Variants in EPS8 observed in about 807,000 individuals in gnomAD.
EPS8 encodes the protein epidermal growth factor receptor kinase substrate 8.
EPS8 carries 42 observed loss-of-function variants against 103.8 expected under a neutral mutation model. The observed-to-expected ratio is 0.40, with a 90% confidence interval of 0.32 to 0.52. The LOEUF is 0.52. EPS8 is among the 20% of genes least tolerant of loss of function. The probability of loss-of-function intolerance (pLI) is 0.40; values close to 1 mark genes in which losing one functional copy is unlikely to be tolerated. For missense variants in EPS8, 969 were observed against 1,005.1 expected, an observed-to-expected ratio of 0.96 and a Z score of 0.49; for synonymous variants, 344 against 344.6, an observed-to-expected ratio of 1.00 and a Z score of 0.02.
intron 3 of EPS8, among the ~76,000 whole-genome samples, chr12:15,680,654 A>ATCT (rs139331275): frequency 0.063 from 9,591 of 152,076 alleles, 994 homozygotes; most frequent in African/African-American, 0.21. Context: ...CATCCTAAAC[A>ATCT]TATGTGGCAA....
At chr12:15,724,530 T>C (rs1313071203) in intron 1 of EPS8, among the ~76,000 whole-genome samples, 1 of 152,208 alleles carries the variant, frequency 6.6e-6, no homozygotes, top group African/African-American at 2.4e-5. Flanking sequence ...TCTGTAAGTA[T>C]GGATATCACT....
At chr12:15,729,310 G>A (rs1272005827) in intron 1 of EPS8, among the ~76,000 whole-genome samples, 1 of 151,968 alleles carries the variant, frequency 6.6e-6, no homozygotes, top group Non-Finnish European at 1.5e-5. Context: ...CATTAATTTT[G>A]GAAAATTCTC....
intron 1 of EPS8, among the ~76,000 whole-genome samples, chr12:15,691,605 G>A (rs1489186306): frequency 6.6e-6 from 1 of 152,150 alleles, no homozygotes; most frequent in Admixed American, 6.6e-5. Context: ...AAAGAGAAGA[G>A]CAAAGGCAGG....
At chr12:15,737,220 G>A (rs1462467706) in intron 1 of EPS8, among the ~76,000 whole-genome samples, 1 of 152,022 alleles carries the variant, frequency 6.6e-6, no homozygotes, top group East Asian at 1.9e-4. Flanking sequence ...CCGTAATAGA[G>A]GTTAAACAAA....
rs553002538 is a variant in EPS8 at position 15,752,473 on chromosome 12, A to T, written c.-22+36688T>A. ...AAAAAAAAACAAAAACAAAAAAAAT[A>T]AAAATAAATTCCCCTAAAGAGCTGG... On this transcript the variant is annotated intron_variant, in intron 1 of 20. Transcript: ENST00000281172. This position sits in a 1 kb window ranked among gnomAD's most constrained non-coding sequence, Gnocchi z 4.4. Among the ~76,000 whole-genome samples the T allele has an allele frequency of 1.1e-3, 173 of 152,090 alleles. No homozygotes were observed. The highest frequency in any genetic ancestry group is 4.0e-3 in the African/African-American group (164 of 41,480).
intron 17 of EPS8, 143 bp downstream of exon 17, chr12:15,640,560 A>C (rs954712804): frequency 1.7e-6 from 1 of 599,502 alleles, no homozygotes; most frequent in East Asian, 3.0e-5. Flanking sequence ...CACCATTGCC[A>C]CTCCCCCACC....
At chr12:15,669,885 G>T in intron 4 of EPS8, 60 bp from the exon 5 acceptor site, 1 of 1,294,428 alleles carries the variant, frequency 7.7e-7, no homozygotes, top group Non-Finnish European at 1.0e-6. Context: ...CAACCTCTTA[G>T]TATACATTTT....
At chr12:15,640,670 A>G in intron 17 of EPS8, 33 bp downstream of exon 17, 2 of 1,590,204 alleles carry the variant, frequency 1.3e-6, no homozygotes, top group South Asian at 2.2e-5. Flanking sequence ...GTAAATGTGT[A>G]CATACTACAT....
chr12:15,676,247 A>G, intron 3 of EPS8, among the ~76,000 whole-genome samples: 1 of 146,094 alleles, frequency 6.8e-6, no homozygotes, highest in Admixed American at 6.9e-5. Context: ...GCGACAGGGC[A>G]AGACTCCATC....
At chr12:15,715,394 C>CTTTTTTTTTTTTT (rs3086457) in intron 1 of EPS8, among the ~76,000 whole-genome samples, 9 of 127,180 alleles carry the variant, frequency 7.1e-5, no homozygotes, top group Non-Finnish European at 1.3e-4. Context: ...CTTTACTTTT[C>CTTTTTTTTTTTTT]TTTTTTTTTT....
intron 1 of EPS8, among the ~76,000 whole-genome samples, chr12:15,722,654 C>T (rs1462276309): frequency 1.3e-5 from 2 of 152,178 alleles, no homozygotes; most frequent in Non-Finnish European, 2.9e-5. Context: ...TGCTGCCATT[C>T]ACAGCAAAGG....
rs1946544136 is a variant in EPS8 at position 15,717,402 on chromosome 12, C to G, written c.-21-34430G>C. ...AGGAGTTCAAGACCAGCCTGGGCAACATGGTGAAACCCCATCTCTACTAAA... is the reference window on the plus strand; with the variant it reads ...AGGAGTTCAAGACCAGCCTGGGCAAGATGGTGAAACCCCATCTCTACTAAA... On this transcript the variant is annotated intron_variant, in intron 1 of 20. Coordinates refer to ENST00000281172, the MANE Select transcript of EPS8 (RefSeq NM_004447.6). The surrounding 1 kb of genome is among the most constrained non-coding windows in gnomAD (Gnocchi z 4.3). Among the ~76,000 whole-genome samples the G allele has an allele frequency of 6.6e-6, 1 of 152,144 alleles. No homozygotes were observed. The highest frequency in any genetic ancestry group is 1.5e-5 in the Non-Finnish European group (1 of 68,024).
In EPS8 at chr12:15,695,729, C is replaced by T. The variant is rs574976687; in HGVS notation, c.-21-12757G>A. Among the ~76,000 whole-genome samples the T allele has an allele frequency of 2.6e-5, 4 of 152,162 alleles. No homozygotes were observed. Among genetic ancestry groups the T allele is most frequent in the Admixed American group, 1.3e-4 (2 of 15,276 alleles). ...GTGGCCCACACCTATAATCCCAGCA[C>T]TTTGGGAGGCCGAGGTGGGTGGATC... On this transcript the variant is annotated intron_variant, in intron 1 of 20. Coordinates refer to ENST00000281172, the MANE Select transcript of EPS8 (RefSeq NM_004447.6). This position sits in a 1 kb window ranked among gnomAD's most constrained non-coding sequence, Gnocchi z 5.0.
intron 13 of EPS8, among the ~76,000 whole-genome samples, chr12:15,653,805 G>A (rs974479565): frequency 5.9e-5 from 9 of 152,196 alleles, no homozygotes; most frequent in Admixed American, 1.3e-4. Flanking sequence ...GTGCGCGCGC[G>A]CGCGCATGTG....
At chr12:15,654,836 C>T (rs1233320870) in intron 12 of EPS8, among the ~76,000 whole-genome samples, 1 of 152,060 alleles carries the variant, frequency 6.6e-6, no homozygotes, top group Non-Finnish European at 1.5e-5. Flanking sequence ...TGGTACTTTT[C>T]CCCAGAATTA....
chr12:15,640,829 C>T lies in EPS8; in HGVS notation c.1695G>A (p.Lys565=), dbSNP rs1239295897. ...TTGCATTTCGAACTTTCCACCATTG[C>T]TTCCGATCATCAAGTATCTGTCATG... ...DDILEILDDR[K]QWWKVRNASG... The change falls in exon 17 of 21, where the codon AAG becomes AAA. Residue 565 remains lysine (K), a synonymous_variant. Transcript: ENST00000281172. The T allele has an allele frequency of 3.7e-6, 6 of 1,613,636 alleles. No homozygotes were observed. Among genetic ancestry groups the T allele is most frequent in the African/African-American group, 1.3e-5 (1 of 74,928 alleles).
intron 1 of EPS8, among the ~76,000 whole-genome samples, chr12:15,739,489 G>T (rs1404678166): frequency 6.6e-6 from 1 of 152,126 alleles, no homozygotes; most frequent in African/African-American, 2.4e-5. Flanking sequence ...CAATCGACTG[G>T]GGGACCAGAT....
rs748313109 is a variant in EPS8 at position 15,647,254 on chromosome 12, T to C, written c.1441A>G (p.Ser481Gly). The change falls in exon 15 of 21, where the codon AGT becomes GGT. Residue 481 changes from serine to glycine, a missense_variant. By Grantham distance (56) the Ser-to-Gly change is moderately conservative. Transcript: ENST00000281172. ...EIKRLSTEHS[S>G]VSEYHPADGY... ...TCGGCTGGATGATACTCTGATACAC[T>C]GGAATGCTGAAAGACAAAGTGGGGC... 3 of 1,611,314 alleles carry C rather than the reference T, an allele frequency of 1.9e-6. No homozygotes were observed. The highest frequency in any genetic ancestry group is 1.7e-6 in the Non-Finnish European group (2 of 1,178,868).
intron 1 of EPS8, among the ~76,000 whole-genome samples, chr12:15,689,817 A>G (rs1946147880): frequency 6.6e-6 from 1 of 152,194 alleles, no homozygotes; most frequent in Non-Finnish European, 1.5e-5. Context: ...CAGACTCTAA[A>G]AAAGTTGGAT....
Sources: gnomAD v4.1 joint callset for allele counts (sites outside exome capture counted in the v4.1 genomes callset) on GRCh38, gnomAD v4.1.1 for gene constraint, Gnocchi (gnomAD v3.1) non-coding constraint, MANE v1.5 for transcripts, NCBI Gene and HGNC (gene_info 2026-07-23, HGNC 2026-07-21) for gene names.